The following PDE4D variants were observed in gnomAD, a reference collection of about 807,000 sequenced individuals.
The protein encoded by PDE4D is 3',5'-cyclic-AMP phosphodiesterase 4D.
PDE4D carries 24 observed loss-of-function variants against 87.4 expected under a neutral mutation model. The observed-to-expected ratio is 0.27, with a 90% CI of 0.20 to 0.39. PDE4D has a LOEUF of 0.39. Among genes scored for constraint, PDE4D ranks in the 10% least tolerant of loss-of-function variants. PDE4D has a pLI of 1.00. For synonymous variants in PDE4D, 384 were observed against 383.2 expected (o/e 1.00, Z -0.02); for missense variants, 714 against 1,041.0 (o/e 0.69, Z 4.32).
intron 5 of PDE4D, among the ~76,000 whole-genome samples, chr5:59,132,781 C>A (rs1443919563): frequency 6.6e-6 from 1 of 152,090 alleles, no homozygotes; most frequent in African/African-American, 2.4e-5. Context: ...AGCTTATTAA[C>A]CTGATGTCAA....
chr5:60,428,712 C>T (rs1220488670), intron 1 of PDE4D, among the ~76,000 whole-genome samples: 2 of 152,314 alleles, frequency 1.3e-5, no homozygotes, highest in African/African-American at 2.4e-5. Flanking sequence ...CTTGGCCCCA[C>T]TTTGTAGATA....
At chr5:59,664,775 G>A (rs1339450724) in intron 1 of PDE4D, among the ~76,000 whole-genome samples, 1 of 152,204 alleles carries the variant, frequency 6.6e-6, no homozygotes, top group African/African-American at 2.4e-5. Flanking sequence ...AGGTTGATAA[G>A]TCTAACCTTT....
intron 1 of PDE4D, among the ~76,000 whole-genome samples, chr5:59,748,962 T>C (rs1760028905): frequency 1.3e-5 from 2 of 152,196 alleles, no homozygotes; most frequent in South Asian, 2.1e-4. Context: ...CAGATGACTA[T>C]AGCCTTCACT....
At chr5:59,135,677 G>A (rs1016302952) in intron 5 of PDE4D, among the ~76,000 whole-genome samples, 7 of 152,072 alleles carry the variant, frequency 4.6e-5, no homozygotes, top group East Asian at 3.9e-4. Flanking sequence ...CATTCAATAC[G>A]TATATCTCCC....
chr5:59,133,080 T>C (rs1776509865), intron 5 of PDE4D, among the ~76,000 whole-genome samples: 2 of 152,212 alleles, frequency 1.3e-5, no homozygotes, highest in Admixed American at 6.5e-5. Context: ...AATTTTTTTC[T>C]GTCTGTAAAT....
chr5:59,583,365 C>G (rs921302249), intron 1 of PDE4D, among the ~76,000 whole-genome samples: 1 of 152,106 alleles, frequency 6.6e-6, no homozygotes, highest in Admixed American at 6.5e-5. Context: ...TTCAACCATG[C>G]CATACTTGTT....
intron 2 of PDE4D, among the ~76,000 whole-genome samples, chr5:60,111,162 A>G (rs1158413081): frequency 6.6e-6 from 1 of 152,064 alleles, no homozygotes; most frequent in Non-Finnish European, 1.5e-5. Flanking sequence ...AGGATTTTCA[A>G]TGTTCAAAAC....
At chr5:59,669,780 C>A (rs558940413) in intron 1 of PDE4D, among the ~76,000 whole-genome samples, 8 of 152,200 alleles carry the variant, frequency 5.3e-5, no homozygotes, top group African/African-American at 1.7e-4. Context: ...TAAAGACACC[C>A]CCCCCAATAG....
intron 2 of PDE4D, among the ~76,000 whole-genome samples, chr5:60,100,878 T>C (rs1208155533): frequency 3.3e-5 from 5 of 152,052 alleles, no homozygotes; most frequent in Non-Finnish European, 5.9e-5. Flanking sequence ...TCACAAAGGA[T>C]GTTAACCTTC....
chr5:60,226,094 T>C (rs1413230599), intron 1 of PDE4D, among the ~76,000 whole-genome samples: 1 of 152,128 alleles, frequency 6.6e-6, no homozygotes, highest in Non-Finnish European at 1.5e-5. Context: ...ATAGTCTAAA[T>C]CCTGTCAACT....
intron 2 of PDE4D, among the ~76,000 whole-genome samples, chr5:60,115,458 G>A (rs1331558099): frequency 6.6e-6 from 1 of 152,062 alleles, no homozygotes; most frequent in Non-Finnish European, 1.5e-5. Context: ...ACCAAATAAT[G>A]AGGATAATTA....
At chr5:60,291,403 T>A (rs1240336805) in intron 1 of PDE4D, among the ~76,000 whole-genome samples, 1 of 152,024 alleles carries the variant, frequency 6.6e-6, no homozygotes, top group African/African-American at 2.4e-5. Flanking sequence ...AATAAAAATG[T>A]CAAAGAATTC....
At chr5:60,073,387 G>A (rs750002305) in intron 2 of PDE4D, among the ~76,000 whole-genome samples, 3 of 151,800 alleles carry the variant, frequency 2.0e-5, no homozygotes, top group African/African-American at 4.8e-5. Flanking sequence ...TTAGTTTTTC[G>A]ATGTGCTCCT....
chr5:60,032,698 C>T (rs915053186), intron 2 of PDE4D: 4 of 152,194 alleles, frequency 2.6e-5, no homozygotes, highest in African/African-American at 9.6e-5. Flanking sequence ...AATGAGGTAA[C>T]ATGTGAAGCA....
At position 59,215,004 on chromosome 5, in the gene PDE4D, A is replaced by G. The variant is rs190086646; in HGVS notation, c.647+773T>C. ...GGACAAATGTATAGACCAAGAGAGA[A>G]AGATGAAGATCGATTCTATACAGAG... On this transcript the variant is annotated intron_variant, in intron 2 of 14. Coordinates refer to ENST00000340635, the MANE Select transcript of PDE4D (RefSeq NM_001104631.2). 5.0e-3 allele frequency among the ~76,000 whole-genome samples: 760 copies of G among 152,318 alleles called. 5 individuals carry two copies. The highest frequency in any genetic ancestry group is 0.018 in the African/African-American group (730 of 41,578).
chr5:59,207,804 C>T (rs1397756541), intron 2 of PDE4D, among the ~76,000 whole-genome samples: 1 of 151,684 alleles, frequency 6.6e-6, no homozygotes, highest in Non-Finnish European at 1.5e-5. Flanking sequence ...AATTCACCTT[C>T]ACACTCTTTC....
intron 2 of PDE4D, among the ~76,000 whole-genome samples, chr5:60,061,106 A>C (rs976599981): frequency 6.6e-6 from 1 of 152,142 alleles, no homozygotes; most frequent in South Asian, 2.1e-4. Flanking sequence ...GAAAGAAATA[A>C]AGCGTATTCA....
At chr5:59,158,015 C>T (rs1780504580) in intron 5 of PDE4D, among the ~76,000 whole-genome samples, 2 of 152,160 alleles carry the variant, frequency 1.3e-5, no homozygotes, top group Admixed American at 6.5e-5. Flanking sequence ...TCTTCTAACT[C>T]AAAAGAGATA....
chr5:59,903,749 C>T (rs1165973773), intron 3 of PDE4D, among the ~76,000 whole-genome samples: 1 of 152,118 alleles, frequency 6.6e-6, no homozygotes, highest in Non-Finnish European at 1.5e-5. Context: ...AGGGCAAAGC[C>T]AGGATTACAA....
Sources: gnomAD v4.1 joint callset for allele counts (sites outside exome capture counted in the v4.1 genomes callset) on GRCh38, gnomAD v4.1.1 for gene constraint, MANE v1.5 for transcripts, NCBI Gene and HGNC (gene_info 2026-07-23, HGNC 2026-07-21) for gene names.